Variants in FOXO1 observed in about 807,000 individuals in gnomAD.
The protein encoded by FOXO1 is forkhead box protein O1.
A neutral mutation model predicts 44.1 loss-of-function variants in FOXO1; 6 were observed. That is an observed-to-expected ratio of 0.14 (90% CI 0.07 to 0.27). FOXO1 has a LOEUF of 0.27. Ranked by LOEUF, FOXO1 falls within the 10% of genes least tolerant of loss-of-function variation. FOXO1 has a pLI of 1.00. For synonymous variants in FOXO1, 380 were observed against 362.7 expected (o/e 1.05, Z -0.54); for missense variants, 737 against 888.8 (o/e 0.83, Z 2.17).
At chr13:40,565,545 T>TG (rs772291569) in intron 1 of FOXO1, among the ~76,000 whole-genome samples, 6 of 151,916 alleles carry the variant, frequency 3.9e-5, no homozygotes, top group South Asian at 2.1e-4. Flanking sequence ...CCTGGGGCGG[T>TG]GGGGGGGCAT....
chr13:40,580,443 A>G (rs955169948), intron 1 of FOXO1, among the ~76,000 whole-genome samples: 1 of 152,238 alleles, frequency 6.6e-6, no homozygotes, highest in Non-Finnish European at 1.5e-5. Context: ...ATCTACATCC[A>G]GTACTGGCAC....
intron 1 of FOXO1, among the ~76,000 whole-genome samples, chr13:40,651,702 T>A (rs1349934347): frequency 5.3e-5 from 8 of 151,100 alleles, no homozygotes; most frequent in Non-Finnish European, 1.2e-4. Flanking sequence ...TAAATATACA[T>A]CTAAATATAC....
intron 1 of FOXO1, among the ~76,000 whole-genome samples, chr13:40,630,489 A>G (rs374438881): frequency 1.3e-5 from 2 of 152,262 alleles, no homozygotes; most frequent in South Asian, 4.1e-4. Context: ...CCCCGTGTCC[A>G]CTAAAAATAC....
intron 1 of FOXO1, among the ~76,000 whole-genome samples, chr13:40,655,637 C>CTTTTTTTTTT: frequency 9.9e-6 from 1 of 101,316 alleles, no homozygotes. Flanking sequence ...TTCTACACTT[C>CTTTTTTTTTT]TTTTTTTTTT....
At chr13:40,570,153 T>C (rs1216191802) in intron 1 of FOXO1, among the ~76,000 whole-genome samples, 1 of 151,432 alleles carries the variant, frequency 6.6e-6, no homozygotes, top group Non-Finnish European at 1.5e-5. Context: ...CTACTAAAAA[T>C]ACAAAAATTG....
intron 1 of FOXO1, among the ~76,000 whole-genome samples, chr13:40,605,663 T>G (rs1012652862): frequency 5.3e-5 from 8 of 152,176 alleles, no homozygotes; most frequent in Admixed American, 2.6e-4. Flanking sequence ...AGGCGTGCAC[T>G]CTGTTTTTTC....
At chr13:40,662,313 T>C (rs749719780) in intron 1 of FOXO1, among the ~76,000 whole-genome samples, 19 of 151,846 alleles carry the variant, frequency 1.3e-4, no homozygotes, top group Non-Finnish European at 2.1e-4. Flanking sequence ...TTCCTAATAA[T>C]ATCAAAAGAG....
At position 40,559,866 on chromosome 13, in the gene FOXO1, G is replaced by A. The variant is rs145453868; in HGVS notation, c.1625C>T (p.Thr542Met). 55 of 1,614,162 alleles carry A rather than the reference G, an allele frequency of 3.4e-5. No individual in the cohort carries two copies. The African/African-American group carries it at 6.1e-4, about 18-fold the overall frequency. The change falls in exon 2 of 3, where the codon ACG (threonine) becomes ATG (methionine). Residue 542 changes from threonine to methionine, a missense_variant. Thr to Met is a moderately conservative substitution (Grantham distance 81). Transcript: ENST00000379561. ...CGAGGTGTGGGGCATGGTGCTTACC[G>A]TGTGGGGCAGGGGACGCCCGTTAAC... ...SAVNGRPLPH[T>M]VSTMPHTSGM...
In FOXO1 at chr13:40,559,598, G is replaced by T; in HGVS notation, c.1893C>A (p.Asn631Lys). 6.2e-7 allele frequency: 1 copy of T among 1,614,162 alleles called. No homozygotes were observed. The highest frequency in any genetic ancestry group is 8.5e-7 in the Non-Finnish European group (1 of 1,180,002). The change falls in exon 2 of 3, where the codon AAC becomes AAA. Residue 631 changes from asparagine (N) to lysine (K), a missense_variant. By Grantham distance (94) the Asn-to-Lys change is moderately conservative. Coordinates refer to ENST00000379561, the MANE Select transcript of FOXO1 (RefSeq NM_002015.4). ...TTTGGTTGGGCAACACATTGTCAAA[G>T]TTAAAATCCAATGTATCTCCATCCA... Reference protein sequence around the residue: ...DLMDGDTLDFNFDNVLPNQSF... With the variant: ...DLMDGDTLDFKFDNVLPNQSF...
intron 1 of FOXO1, among the ~76,000 whole-genome samples, chr13:40,564,701 A>T (rs1236596884): frequency 1.3e-5 from 2 of 152,218 alleles, no homozygotes; most frequent in Non-Finnish European, 2.9e-5. Context: ...TTACCTGAGG[A>T]CAGAGGCAGG....
intron 1 of FOXO1, among the ~76,000 whole-genome samples, chr13:40,561,329 G>A (rs764498038): frequency 1.6e-4 from 20 of 127,658 alleles, no homozygotes; most frequent in Non-Finnish European, 3.1e-4. Context: ...TCCAGCCTGG[G>A]AGACAGAGTG....
chr13:40,568,045 G>A (rs1266772220), intron 1 of FOXO1, among the ~76,000 whole-genome samples: 1 of 152,144 alleles, frequency 6.6e-6, no homozygotes, highest in Non-Finnish European at 1.5e-5. Flanking sequence ...CATAGCAGCT[G>A]AAGCGTGCAT....
chr13:40,634,002 GCACT>G (rs1002172660), intron 1 of FOXO1, among the ~76,000 whole-genome samples: 2 of 152,130 alleles, frequency 1.3e-5, no homozygotes, highest in Non-Finnish European at 2.9e-5. Context: ...ACCTAGTAAA[GCACT>G]CACTATCAGG....
intron 1 of FOXO1, among the ~76,000 whole-genome samples, chr13:40,631,328 A>G (rs1876954825): frequency 6.6e-6 from 1 of 152,242 alleles, no homozygotes; most frequent in South Asian, 2.1e-4. Flanking sequence ...CAAAGACCTA[A>G]ATGTAAGAAC....
intron 1 of FOXO1, among the ~76,000 whole-genome samples, chr13:40,651,198 C>T (rs1402839017): frequency 6.6e-6 from 1 of 151,678 alleles, no homozygotes; most frequent in African/African-American, 2.4e-5. Context: ...CTCAGCCTTG[C>T]GAATAGACAA....
intron 1 of FOXO1, among the ~76,000 whole-genome samples, chr13:40,621,833 G>C (rs772148133): frequency 3.3e-5 from 5 of 152,094 alleles, no homozygotes; most frequent in Non-Finnish European, 5.9e-5. Context: ...TATTTGAAAT[G>C]TTAAATTTAA....
intron 1 of FOXO1, among the ~76,000 whole-genome samples, chr13:40,647,874 A>G (rs1264118056): frequency 6.6e-6 from 1 of 152,168 alleles, no homozygotes; most frequent in Non-Finnish European, 1.5e-5. Flanking sequence ...GACCCTGACA[A>G]AACGCCAGCT....
At chr13:40,612,148 GC>G (rs368564994) in intron 1 of FOXO1, among the ~76,000 whole-genome samples, 201 of 152,208 alleles carry the variant, frequency 1.3e-3, no homozygotes, top group African/African-American at 4.7e-3. Context: ...CTTTTTACAG[GC>G]CTACTGAAAA....
rs188090269 is a variant in FOXO1 at position 40,556,378 on chromosome 13, C to T, written c.*2671G>A. The T allele has an allele frequency of 7.2e-5, 11 of 152,630 alleles. No homozygotes were observed. Among genetic ancestry groups the T allele is most frequent in the Non-Finnish European group, 1.0e-4 (7 of 68,024 alleles). The allele number at this position is 152,630 out of a possible 1,614,324, so 9.5% of individuals were successfully genotyped here. A position where few individuals can be genotyped will look rare whatever the true frequency, so the allele number is the denominator to read the frequency against. On this transcript the variant is annotated 3_prime_UTR_variant, in exon 3 of 3. Coordinates refer to ENST00000379561, the MANE Select transcript of FOXO1 (RefSeq NM_002015.4). ...AAATATATTCCATACGTCTATATTA[C>T]GGAAACAATACATCTTTATATTTAA...
Sources: gnomAD v4.1 joint callset for allele counts (sites outside exome capture counted in the v4.1 genomes callset) on GRCh38, gnomAD v4.1.1 for gene constraint, MANE v1.5 for transcripts, NCBI Gene and HGNC (gene_info 2026-07-23, HGNC 2026-07-21) for gene names.